The following MAGI2 variants were observed in gnomAD, a reference collection of about 807,000 sequenced individuals.
The protein encoded by MAGI2 is membrane-associated guanylate kinase, WW and PDZ domain-containing protein 2.
MAGI2 carries 35 observed loss-of-function variants against 133.3 expected under a neutral mutation model. The observed-to-expected ratio is 0.26, with a 90% confidence interval of 0.20 to 0.35. The LOEUF (loss-of-function observed/expected upper bound fraction) is 0.35. MAGI2 is among the 10% of genes least tolerant of loss of function. MAGI2 has a pLI of 1.00. For missense variants in MAGI2, 1,636 were observed against 1,863.4 expected (o/e 0.88, Z 2.25); for synonymous variants, 729 against 710.6 (o/e 1.03, Z -0.41).
chr7:78,721,954 G>A (rs117386001), intron 2 of MAGI2, among the ~76,000 whole-genome samples: 2,488 of 151,814 alleles, frequency 0.016, 34 homozygotes, highest in Non-Finnish European at 0.028. Flanking sequence ...TTAATAAAAT[G>A]TATTGTATAA....
intron 1 of MAGI2, among the ~76,000 whole-genome samples, chr7:79,157,850 GTTTTT>G (rs35889003): frequency 0.018 from 1,485 of 84,142 alleles, 32 homozygotes; most frequent in African/African-American, 0.052. Flanking sequence ...TATCTAACAA[GTTTTT>G]TTTTTTTTTT....
chr7:78,343,970 C>G lies in MAGI2; in HGVS notation c.1226-10G>C, dbSNP rs777143372. On this transcript the variant is annotated splice_polypyrimidine_tract_variant and intron_variant, in intron 8 of 21. Transcript: ENST00000354212. ...GTGAAGAGTGGTTTTTCTACATTGG[C>G]CAATATAAGTTAAAAAAGAAAAAGG... 3 of 1,600,804 alleles carry G rather than the reference C, an allele frequency of 1.9e-6. No homozygotes were observed. Among genetic ancestry groups the G allele is most frequent in the Non-Finnish European group, 2.6e-6 (3 of 1,175,788 alleles).
intron 6 of MAGI2, among the ~76,000 whole-genome samples, chr7:78,382,454 G>A (rs527884082): frequency 6.6e-6 from 1 of 152,112 alleles, no homozygotes; most frequent in South Asian, 2.1e-4. Context: ...GTCAAATCTT[G>A]AAGAAATTAG....
rs189294582 is a variant in MAGI2 at position 78,530,173 on chromosome 7, G to A, written c.539-8528C>T. On this transcript the variant is annotated intron_variant, in intron 3 of 21. Coordinates refer to ENST00000354212, the MANE Select transcript of MAGI2 (RefSeq NM_012301.4). The stretch of plus-strand genomic sequence containing the variant: ...AAACAATAAACCGAACATCTCTGTC[G>A]TAAATAACTGAGAAAACTGAGTAAA... Among the ~76,000 whole-genome samples, 368 of 152,140 alleles carry A rather than the reference G, an allele frequency of 2.4e-3. 2 individuals carry two copies. The highest frequency in any genetic ancestry group is 8.3e-3 in the African/African-American group (345 of 41,512).
At chr7:78,061,029 G>A (rs554485027) in intron 21 of MAGI2, among the ~76,000 whole-genome samples, 77 of 151,944 alleles carry the variant, frequency 5.1e-4, no homozygotes, top group African/African-American at 1.7e-3. Flanking sequence ...AGCTGGGGGC[G>A]GTGGCATATG....
chr7:78,372,401 A>C (rs1794009709), intron 6 of MAGI2, among the ~76,000 whole-genome samples: 1 of 152,182 alleles, frequency 6.6e-6, no homozygotes, highest in Non-Finnish European at 1.5e-5. Flanking sequence ...AGATGAGAAA[A>C]AGAATTTCCA....
At chr7:79,199,273 G>A (rs1224813736) in intron 1 of MAGI2, among the ~76,000 whole-genome samples, 1 of 152,018 alleles carries the variant, frequency 6.6e-6, no homozygotes, top group African/African-American at 2.4e-5. Context: ...AGGGCAGAAG[G>A]TGGCTTTCTA....
intron 2 of MAGI2, among the ~76,000 whole-genome samples, chr7:78,641,741 A>G (rs1810335984): frequency 6.6e-6 from 1 of 152,194 alleles, no homozygotes; most frequent in African/African-American, 2.4e-5. Context: ...GCTTTCTAAT[A>G]CACAGAAAAA....
At chr7:78,589,728 G>T (rs1803797185) in intron 3 of MAGI2, among the ~76,000 whole-genome samples, 1 of 152,164 alleles carries the variant, frequency 6.6e-6, no homozygotes, top group South Asian at 2.1e-4. Context: ...GGTAGAAAGG[G>T]TACATGTCAA....
chr7:78,638,933 G>T (rs780676330), intron 2 of MAGI2, among the ~76,000 whole-genome samples: 81 of 152,142 alleles, frequency 5.3e-4, no homozygotes, highest in African/African-American at 1.9e-3. Flanking sequence ...TTAAGGAAAA[G>T]AAAGATCAGT....
At chr7:78,492,472 T>A (rs1261764192) in intron 5 of MAGI2, among the ~76,000 whole-genome samples, 1 of 152,138 alleles carries the variant, frequency 6.6e-6, no homozygotes, top group African/African-American at 2.4e-5. Context: ...TCCTCCAAGA[T>A]TCCTTGCAAA....
At chr7:79,134,868 T>A (rs1821238233) in intron 1 of MAGI2, among the ~76,000 whole-genome samples, 1 of 152,206 alleles carries the variant, frequency 6.6e-6, no homozygotes, top group Non-Finnish European at 1.5e-5. Context: ...TTGGCTGGTT[T>A]TCAGATAATA....
intron 21 of MAGI2, among the ~76,000 whole-genome samples, chr7:78,076,674 G>A (rs377329624): frequency 0.011 from 1,600 of 148,580 alleles, 17 homozygotes; most frequent in African/African-American, 0.032. Context: ...GTGAAACCCC[G>A]TCTCTACTAA....
intron 1 of MAGI2, among the ~76,000 whole-genome samples, chr7:79,143,813 T>C (rs1822360253): frequency 6.6e-6 from 1 of 152,180 alleles, no homozygotes; most frequent in Admixed American, 6.6e-5. Context: ...AAAATTTCAA[T>C]ATTACTATCA....
chr7:78,532,578 A>G (rs927458314), intron 3 of MAGI2, among the ~76,000 whole-genome samples: 1 of 152,216 alleles, frequency 6.6e-6, no homozygotes, highest in African/African-American at 2.4e-5. Context: ...ATTTTAGTCT[A>G]TGTGATACTT....
intron 1 of MAGI2, among the ~76,000 whole-genome samples, chr7:79,332,791 A>G (rs1840180927): frequency 6.6e-6 from 1 of 152,124 alleles, no homozygotes; most frequent in African/African-American, 2.4e-5. Context: ...ATTTTTGTGA[A>G]CCTAAGTTCA....
intron 1 of MAGI2, among the ~76,000 whole-genome samples, chr7:79,149,591 G>A (rs1172770940): frequency 6.6e-6 from 1 of 152,088 alleles, no homozygotes. Flanking sequence ...CATACAATGA[G>A]TTAGTCCTTT....
chr7:79,348,652 G>A (rs539723521), intron 1 of MAGI2, among the ~76,000 whole-genome samples: 2 of 151,654 alleles, frequency 1.3e-5, no homozygotes, highest in East Asian at 1.9e-4. Flanking sequence ...TCAAAAAGAC[G>A]AGTTTTCTGC....
intron 10 of MAGI2, among the ~76,000 whole-genome samples, chr7:78,216,515 G>A (rs144877534): frequency 8.3e-4 from 127 of 152,266 alleles, no homozygotes; most frequent in Middle Eastern, 6.8e-3. Flanking sequence ...GCCTCACCTC[G>A]CTCTGGTGCT....
Sources: allele counts gnomAD v4.1 joint callset (sites outside exome capture counted in the v4.1 genomes callset), GRCh38; gene constraint gnomAD v4.1.1; transcripts MANE v1.5; gene names NCBI Gene and HGNC (gene_info 2026-07-23, HGNC 2026-07-21).